Variants in SDK1 observed in about 807,000 individuals in gnomAD.
SDK1 encodes the protein sidekick cell adhesion molecule 1.
SDK1 carries 157 observed loss-of-function variants against 245.5 expected under a neutral mutation model. That is an observed-to-expected ratio of 0.64 (90% CI 0.56 to 0.73). The LOEUF (loss-of-function observed/expected upper bound fraction) is 0.73, where lower values mean the gene tolerates loss of function less well. SDK1 is among the 30% of genes least tolerant of loss of function. The probability of loss-of-function intolerance (pLI) is 0.00; values close to 1 mark genes in which losing one functional copy is unlikely to be tolerated. For synonymous variants in SDK1, 1,647 were observed against 1,278.5 expected, an observed-to-expected ratio of 1.29 and a Z score of -6.15; for missense variants, 3,583 against 3,002.3, an observed-to-expected ratio of 1.19 and a Z score of -4.52.
intron 3 of SDK1, among the ~76,000 whole-genome samples, chr7:3,639,748 A>C (rs1782591345): frequency 6.6e-6 from 1 of 152,112 alleles, no homozygotes; most frequent in African/African-American, 2.4e-5. Flanking sequence ...TTCAAAATCT[A>C]TGAAGAGTAA....
chr7:3,348,054 C>A (rs561256014), intron 1 of SDK1, among the ~76,000 whole-genome samples: 2 of 152,186 alleles, frequency 1.3e-5, no homozygotes, highest in South Asian at 4.1e-4. Context: ...CTAGCTCAGC[C>A]CTGCACTTCT....
chr7:3,424,659 G>A (rs1779627379), intron 1 of SDK1, among the ~76,000 whole-genome samples: 1 of 152,198 alleles, frequency 6.6e-6, no homozygotes, highest in African/African-American at 2.4e-5. Context: ...CACTTTGGGA[G>A]GCAGAGGTAG....
At chr7:3,803,041 A>G (rs1271586883) in intron 4 of SDK1, among the ~76,000 whole-genome samples, 1 of 152,206 alleles carries the variant, frequency 6.6e-6, no homozygotes, top group Non-Finnish European at 1.5e-5. Context: ...TTTAGAAACT[A>G]CCAAAGTATT....
intron 32 of SDK1, among the ~76,000 whole-genome samples, chr7:4,162,394 TTATTA>T (rs1198012380): frequency 1.2e-4 from 13 of 108,140 alleles, no homozygotes; most frequent in Non-Finnish European, 2.7e-4. Context: ...ATTATTATTA[TTATTA>T]TTATTATTAT....
At chr7:3,458,256 G>A (rs547124766) in intron 1 of SDK1, among the ~76,000 whole-genome samples, 1 of 152,200 alleles carries the variant, frequency 6.6e-6, no homozygotes. Context: ...CCAGAAAGAA[G>A]TAATAAAATT....
intron 4 of SDK1, among the ~76,000 whole-genome samples, chr7:3,646,267 T>C (rs1390479147): frequency 6.6e-6 from 1 of 152,200 alleles, no homozygotes; most frequent in Non-Finnish European, 1.5e-5. Context: ...TGTTTAAACA[T>C]TACCTCATTA....
chr7:3,403,300 G>A (rs1230252634), intron 1 of SDK1, among the ~76,000 whole-genome samples: 1 of 152,004 alleles, frequency 6.6e-6, no homozygotes, highest in African/African-American at 2.4e-5. Flanking sequence ...TTAAAATTTT[G>A]TAATTTCATT....
At chr7:3,668,926 C>G (rs1783614851) in intron 4 of SDK1, among the ~76,000 whole-genome samples, 1 of 152,202 alleles carries the variant, frequency 6.6e-6, no homozygotes, top group Admixed American at 6.5e-5. Context: ...GAGCCATAGA[C>G]CTGTCCCTGT....
intron 1 of SDK1, among the ~76,000 whole-genome samples, chr7:3,411,764 T>C (rs916148824): frequency 6.6e-6 from 1 of 152,226 alleles, no homozygotes; most frequent in Admixed American, 6.5e-5. Flanking sequence ...AAAAGCTGTT[T>C]TGACCACCAC....
At chr7:4,124,622 A>C (rs573062718) in intron 25 of SDK1, among the ~76,000 whole-genome samples, 1 of 152,244 alleles carries the variant, frequency 6.6e-6, no homozygotes, top group African/African-American at 2.4e-5. Context: ...TTAGGATAAC[A>C]AAATAAGGAT....
At chr7:3,635,592 A>G (rs1227741979) in intron 2 of SDK1, among the ~76,000 whole-genome samples, 1 of 152,238 alleles carries the variant, frequency 6.6e-6, no homozygotes. Context: ...AAAAGGAAAT[A>G]CTTTTAAATT....
At position 4,058,501 on chromosome 7, in the gene SDK1, A is replaced by T. The variant is rs149273773; in HGVS notation, c.2911+6671A>T. On this transcript the variant is annotated intron_variant, in intron 19 of 44. Transcript: ENST00000404826. ...ACATCCAGATATGGGAGGCTCAGAG[A>T]TCCACAAATAAATAGATACTATTCA... Among the ~76,000 whole-genome samples, 496 of 152,270 alleles carry T rather than the reference A, an allele frequency of 3.3e-3. 4 individuals carry two copies. Among genetic ancestry groups the T allele is most frequent in the African/African-American group, 0.011 (474 of 41,542 alleles).
intron 5 of SDK1, among the ~76,000 whole-genome samples, chr7:3,856,981 A>G (rs1780563007): frequency 6.6e-6 from 1 of 152,208 alleles, no homozygotes; most frequent in Non-Finnish European, 1.5e-5. Flanking sequence ...GGCTCTACCA[A>G]GAAATTACAA....
chr7:3,331,650 G>T (rs1406956421), intron 1 of SDK1, among the ~76,000 whole-genome samples: 1 of 151,990 alleles, frequency 6.6e-6, no homozygotes, highest in African/African-American at 2.4e-5. Context: ...TTGTGCTTTT[G>T]GTGTCATATC....
intron 1 of SDK1, among the ~76,000 whole-genome samples, chr7:3,532,501 G>C (rs1413643754): frequency 6.6e-6 from 1 of 152,152 alleles, no homozygotes; most frequent in African/African-American, 2.4e-5. Flanking sequence ...ATTGAGCCCT[G>C]AGAGTATCAT....
At position 4,221,176 on chromosome 7, in the gene SDK1, C is replaced by G; in HGVS notation, c.5702-63C>G. Reference sequence around the variant, plus strand: ...TCTGACCCCCCACTGTGAAATCTCACGGGGTGGGATGTGAGCCCCGCAGGG... The same window carrying G: ...TCTGACCCCCCACTGTGAAATCTCAGGGGGTGGGATGTGAGCCCCGCAGGG... On this transcript the variant is annotated intron_variant, in intron 39 of 44. Transcript: ENST00000404826. 5 of 1,591,808 alleles carry G rather than the reference C, an allele frequency of 3.1e-6. No homozygotes were observed. In the South Asian group the frequency reaches 4.5e-5, roughly 14 times the overall value.
chr7:3,848,029 A>T (rs1467125253), intron 5 of SDK1, among the ~76,000 whole-genome samples: 1 of 152,246 alleles, frequency 6.6e-6, no homozygotes, highest in Non-Finnish European at 1.5e-5. Context: ...ACATGTGCAT[A>T]TGTGCACAAG....
chr7:3,597,456 T>A (rs1484413540), intron 1 of SDK1, among the ~76,000 whole-genome samples: 1 of 152,082 alleles, frequency 6.6e-6, no homozygotes, highest in Non-Finnish European at 1.5e-5. Flanking sequence ...GTGGGTTTTG[T>A]AAGATAGAAA....
intron 19 of SDK1, among the ~76,000 whole-genome samples, chr7:4,055,053 T>C (rs1250588356): frequency 1.3e-5 from 2 of 152,184 alleles, no homozygotes; most frequent in African/African-American, 2.4e-5. Flanking sequence ...TAATCTGTAG[T>C]TGTCTTTTTT....
Sources: allele counts gnomAD v4.1 joint callset (sites outside exome capture counted in the v4.1 genomes callset), GRCh38; gene constraint gnomAD v4.1.1; transcripts MANE v1.5; gene names NCBI Gene and HGNC (gene_info 2026-07-23, HGNC 2026-07-21).